Variants in MORC2 observed in about 807,000 individuals in gnomAD.
MORC2 encodes the protein ATPase MORC2.
MORC2 carries 30 observed loss-of-function variants against 136.0 expected under a neutral mutation model. That is an observed-to-expected ratio of 0.22 (90% CI 0.17 to 0.30). MORC2 has a LOEUF of 0.30. MORC2 is among the 10% of genes least tolerant of loss of function. MORC2 has a pLI of 1.00. For missense variants in MORC2, 922 were observed against 1,333.1 expected, an observed-to-expected ratio of 0.69 and a Z score of 4.80; for synonymous variants, 439 against 487.0, an observed-to-expected ratio of 0.90 and a Z score of 1.30.
chr22:30,932,186 A>G lies in MORC2; in HGVS notation c.2841+173T>C, dbSNP rs566237032. 6.0e-6 allele frequency: 4 copies of G among 666,918 alleles called. No homozygotes were observed. The East Asian group carries it at 1.1e-4, about 19-fold the overall frequency. The allele number at this position is 666,918 out of a possible 1,614,324, so 41.3% of individuals were successfully genotyped here. A position where few individuals can be genotyped will look rare whatever the true frequency, so the allele number is the denominator to read the frequency against. On this transcript the variant is annotated intron_variant, in intron 24 of 25. Coordinates refer to ENST00000397641, the MANE Select transcript of MORC2 (RefSeq NM_001303256.3). The surrounding 1 kb of genome is among the most constrained non-coding windows in gnomAD (Gnocchi z 4.4). The stretch of plus-strand genomic sequence containing the variant: ...CCAGCTAAGCCAATTTTTTTCCCAC[A>G]TCATAAACTCTCCTCTTCTTTCAGC...
In MORC2 at chr22:30,926,747, C is replaced by A. The variant is rs1405357157; in HGVS notation, c.*56G>T. 4.0e-6 allele frequency: 6 copies of A among 1,488,676 alleles called. No homozygotes were observed. Among genetic ancestry groups the A allele is most frequent in the Admixed American group, 3.4e-5 (2 of 58,018 alleles). 92.2% of individuals were successfully genotyped at this position (1,488,676 alleles called of 1,614,324 possible). A position where few individuals can be genotyped will look rare whatever the true frequency, so the allele number is the denominator to read the frequency against. ...AACCCATGAATGAAGTCCCCTCCCC[C>A]TGCAGCTACAGGGTTGAGGGGCAGG... On this transcript the variant is annotated 3_prime_UTR_variant, in exon 26 of 26. Coordinates refer to ENST00000397641, the MANE Select transcript of MORC2 (RefSeq NM_001303256.3).
In MORC2 at chr22:30,927,023, A is replaced by G. The variant is rs2040494948; in HGVS notation, c.3031-152T>C. ...GATGTCAGGCTTCTGTCCTGTCTTA[A>G]TCACTCTCCCCTCCCTCATCTATTG... On this transcript the variant is annotated intron_variant, in intron 25 of 25. Transcript: ENST00000397641. 4.9e-6 allele frequency: 3 copies of G among 611,986 alleles called. No individual in the cohort carries two copies. The East Asian group carries it at 8.5e-5, about 17-fold the overall frequency. The allele number at this position is 611,986 out of a possible 1,614,324, so 37.9% of individuals were successfully genotyped here.
chr22:30,956,961 C>T (rs2040975796), intron 2 of MORC2, among the ~76,000 whole-genome samples, 164 bp from the exon 3 acceptor site: 1 of 152,136 alleles, frequency 6.6e-6, no homozygotes, highest in African/African-American at 2.4e-5. Flanking sequence ...TACTTGACAA[C>T]ACAATTTTCT....
At position 30,940,198 on chromosome 22, in the gene MORC2, G is replaced by A. The variant is rs192624821; in HGVS notation, c.905-157C>T. On this transcript the variant is annotated intron_variant, in intron 10 of 25. Coordinates refer to ENST00000397641, the MANE Select transcript of MORC2 (RefSeq NM_001303256.3). Reference sequence around the variant, plus strand: ...GGTGAGCAATGTGAGGGCAGCCTCTGTGCCTGGACGGCAGTCAGTCACAGA... The same window carrying A: ...GGTGAGCAATGTGAGGGCAGCCTCTATGCCTGGACGGCAGTCAGTCACAGA... Among the ~76,000 whole-genome samples the A allele has an allele frequency of 3.9e-5, 6 of 152,190 alleles. No individual in the cohort carries two copies. The East Asian group carries it at 1.2e-3, about 29-fold the overall frequency.
In MORC2 at chr22:30,949,769, G is replaced by A. The variant is rs777775099; in HGVS notation, c.300C>T (p.Tyr100=). ...ATACCTACGATTTTAACCCATTCCCGTACTGCCCAATCTGAGTAGACTCAG... is the reference window on the plus strand; with the variant it reads ...ATACCTACGATTTTAACCCATTCCCATACTGCCCAATCTGAGTAGACTCAG... ...RTPESTQIGQ[Y]GNGLKSGSMR... is the part of the protein sequence containing the mutation. The change falls in exon 5 of 26, where the codon TAC becomes TAT. Residue 100 remains tyrosine (Y), a synonymous_variant. Coordinates refer to ENST00000397641, the MANE Select transcript of MORC2 (RefSeq NM_001303256.3). 1.5e-5 allele frequency: 25 copies of A among 1,613,922 alleles called. No individual in the cohort carries two copies. The highest frequency in any genetic ancestry group is 1.9e-5 in the Non-Finnish European group (22 of 1,179,976).
chr22:30,938,341 T>G, intron 12 of MORC2, 136 bp from the exon 13 acceptor site: 1 of 961,110 alleles, frequency 1.0e-6, no homozygotes, highest in Non-Finnish European at 1.5e-6. Flanking sequence ...ATGTGTAACC[T>G]GTTAGACTTG....
rs1250051884 is a variant in MORC2 at position 30,941,625 on chromosome 22, A to T, written c.699-67T>A. On this transcript the variant is annotated intron_variant, in intron 8 of 25. Transcript: ENST00000397641. This position sits in a 1 kb window ranked among gnomAD's most constrained non-coding sequence, Gnocchi z 4.6. ...CAACAGGCCTGACCAAGGGCACAAC[A>T]TCCTCTCTGCAGGCTCTCCACCTTT... 1 of 1,569,092 alleles carries T rather than the reference A, an allele frequency of 6.4e-7. No individual in the cohort carries two copies. Among genetic ancestry groups the T allele is most frequent in the African/African-American group, 1.3e-5 (1 of 74,082 alleles).
At chr22:30,952,064 T>A (rs1371881520) in intron 3 of MORC2, among the ~76,000 whole-genome samples, 1 of 152,170 alleles carries the variant, frequency 6.6e-6, no homozygotes, top group Non-Finnish European at 1.5e-5. Flanking sequence ...ATTGGTTAGA[T>A]AAAATCTCTC....
At chr22:30,939,779 TAAGACATCTC>T in intron 11 of MORC2, 73 bp from the exon 12 acceptor site, 2 of 1,460,604 alleles carry the variant, frequency 1.4e-6, no homozygotes, top group Non-Finnish European at 1.9e-6. Context: ...ACATTACATC[TAAGACATCTC>T]AATTTATCTC....
intron 24 of MORC2, among the ~76,000 whole-genome samples, chr22:30,929,609 G>A (rs373060997): frequency 2.0e-5 from 3 of 152,116 alleles, no homozygotes; most frequent in Non-Finnish European, 2.9e-5. Flanking sequence ...TTAGCCAGGC[G>A]TGGTGGCGGG....
intron 3 of MORC2, among the ~76,000 whole-genome samples, chr22:30,953,454 C>T (rs1415332650): frequency 6.6e-6 from 1 of 152,164 alleles, no homozygotes; most frequent in African/African-American, 2.4e-5. Flanking sequence ...CTAACTCCCA[C>T]TGGGAAGAAT....
In MORC2 at chr22:30,940,816, G is replaced by A. The variant is rs2040732797; in HGVS notation, c.846C>T (p.Ser282=). Residue 282 remains serine (S), a synonymous_variant, in exon 10 of 26, where the codon AGC becomes AGT. Coordinates refer to ENST00000397641, the MANE Select transcript of MORC2 (RefSeq NM_001303256.3). ...CCTGCTCCGCACGGGTCTTGAAACGGCTTGACGTGTACTTGTACATCCTGA... is the reference window on the plus strand; with the variant it reads ...CCTGCTCCGCACGGGTCTTGAAACGACTTGACGTGTACTTGTACATCCTGA... ...YKPRMYKYTS[S]RFKTRAEQEV... 2 of 1,613,996 alleles carry A rather than the reference G, an allele frequency of 1.2e-6. No individual in the cohort carries two copies. The highest frequency in any genetic ancestry group is 1.7e-5 in the Admixed American group (1 of 60,000).
intron 1 of MORC2, chr22:30,967,355 G>A (rs1569207440): frequency 2.0e-6 from 2 of 987,060 alleles, no homozygotes; most frequent in Non-Finnish European, 2.4e-6. Context: ...GCCAACTTCT[G>A]AAAAAATAAA....
At chr22:30,962,526 C>T (rs1027640693) in intron 1 of MORC2, among the ~76,000 whole-genome samples, 5 of 150,610 alleles carry the variant, frequency 3.3e-5, no homozygotes, top group South Asian at 4.2e-4. Context: ...GCCTAAGAAG[C>T]GAGGGTTGCA....
chr22:30,944,617 T>C (rs539219885), intron 6 of MORC2, among the ~76,000 whole-genome samples: 5 of 152,206 alleles, frequency 3.3e-5, no homozygotes, highest in African/African-American at 4.8e-5. Context: ...GCACTTTGCA[T>C]GTCCAGAAGA....
intron 1 of MORC2, among the ~76,000 whole-genome samples, chr22:30,961,377 T>C (rs1482526157): frequency 6.6e-6 from 1 of 152,212 alleles, no homozygotes; most frequent in Non-Finnish European, 1.5e-5. Flanking sequence ...CCAAAGGTAA[T>C]GTTGGTTAAA....
At chr22:30,964,908 T>G (rs2041102980) in intron 1 of MORC2, among the ~76,000 whole-genome samples, 1 of 128,690 alleles carries the variant, frequency 7.8e-6, no homozygotes, top group Non-Finnish European at 1.6e-5. Context: ...ATATAAACTA[T>G]TATAGAGTAA....
At chr22:30,950,160 T>C (rs1006884415) in intron 4 of MORC2, among the ~76,000 whole-genome samples, 5 of 152,118 alleles carry the variant, frequency 3.3e-5, no homozygotes, top group Non-Finnish European at 7.4e-5. Flanking sequence ...TGACTTAAGA[T>C]TGCCTTTCAG....
chr22:30,958,580 G>T, intron 2 of MORC2, 61 bp downstream of exon 2: 1 of 1,374,250 alleles, frequency 7.3e-7, no homozygotes. Context: ...GAGAGCAAAG[G>T]TCACAGCTAC....
Sources: gnomAD v4.1 joint callset for allele counts (sites outside exome capture counted in the v4.1 genomes callset) on GRCh38, gnomAD v4.1.1 for gene constraint, Gnocchi (gnomAD v3.1) non-coding constraint, MANE v1.5 for transcripts, NCBI Gene and HGNC (gene_info 2026-07-23, HGNC 2026-07-21) for gene names.